RBKS: variants seen among roughly 807,000 people sequenced by gnomAD.
The protein encoded by RBKS is ribokinase.
Under a neutral mutation model 33.9 loss-of-function variants are expected in RBKS, and 33 were observed. The ratio of observed to expected loss-of-function variants is 0.97; its 90% CI spans 0.74 to 1.30. The LOEUF (loss-of-function observed/expected upper bound fraction) is 1.30. Ranked by LOEUF, RBKS falls within the 50% of genes most tolerant of loss-of-function variation. The pLI, the probability that RBKS is intolerant of heterozygous loss-of-function variation, is 0.00. For synonymous variants in RBKS, 125 were observed against 143.0 expected, an observed-to-expected ratio of 0.87 and a Z score of 0.90; for missense variants, 361 against 392.6, an observed-to-expected ratio of 0.92 and a Z score of 0.68.
At chr2:27,876,839 G>C (rs1345281983) in intron 1 of RBKS, among the ~76,000 whole-genome samples, 1 of 152,008 alleles carries the variant, frequency 6.6e-6, no homozygotes, top group East Asian at 1.9e-4. Flanking sequence ...AAAAATTGCA[G>C]GTCTGAAAAA....
At chr2:27,793,384 T>A (rs1329297226) in intron 7 of RBKS, among the ~76,000 whole-genome samples, 2 of 152,104 alleles carry the variant, frequency 1.3e-5, no homozygotes, top group African/African-American at 2.4e-5. Flanking sequence ...ACTGTACACT[T>A]GAGAAACCTG....
intron 5 of RBKS, among the ~76,000 whole-genome samples, chr2:27,841,464 ACC>A (rs1663506451): frequency 6.6e-6 from 1 of 152,154 alleles, no homozygotes; most frequent in South Asian, 2.1e-4. Context: ...AGAATGCGTA[ACC>A]ATAAGCATTA....
At chr2:27,815,566 C>G (rs887051603) in intron 7 of RBKS, among the ~76,000 whole-genome samples, 1 of 152,144 alleles carries the variant, frequency 6.6e-6, no homozygotes, top group Admixed American at 6.5e-5. Context: ...CAATGGAAAC[C>G]ACTAAGAAAA....
intron 1 of RBKS, among the ~76,000 whole-genome samples, chr2:27,862,520 G>A (rs750384022): frequency 6.6e-6 from 1 of 152,090 alleles, no homozygotes; most frequent in Non-Finnish European, 1.5e-5. Flanking sequence ...CTGGCTTCTC[G>A]CAGGTGTCAC....
chr2:27,823,277 A>C (rs1678247057), intron 7 of RBKS, among the ~76,000 whole-genome samples: 1 of 152,230 alleles, frequency 6.6e-6, no homozygotes, highest in Non-Finnish European at 1.5e-5. Context: ...CGGGAAAAAC[A>C]GATGTAAAAA....
At chr2:27,855,250 T>C (rs1017476755) in intron 2 of RBKS, among the ~76,000 whole-genome samples, 2 of 152,246 alleles carry the variant, frequency 1.3e-5, no homozygotes, top group African/African-American at 4.8e-5. Flanking sequence ...GATAGTCTCA[T>C]ATATGAAGGA....
chr2:27,870,535 C>T, intron 1 of RBKS: 1 of 317,036 alleles, frequency 3.2e-6, no homozygotes, highest in South Asian at 2.6e-5. Context: ...CTGCACCCAC[C>T]TCCTCACAGA....
intron 7 of RBKS, among the ~76,000 whole-genome samples, chr2:27,801,959 AAAAAATATATATATATATATAT>A (rs1677797183): frequency 1.6e-5 from 1 of 63,472 alleles, no homozygotes; most frequent in African/African-American, 6.1e-5. Flanking sequence ...GGAAAAAAAA[AAAAAATATATATATATATATAT>A]ATATATATAT....
chr2:27,788,610 G>A (rs1460679726), intron 7 of RBKS, among the ~76,000 whole-genome samples: 1 of 152,194 alleles, frequency 6.6e-6, no homozygotes, highest in Non-Finnish European at 1.5e-5. Context: ...GGGAGGCTGA[G>A]GCAGGTGAAT....
intron 1 of RBKS, among the ~76,000 whole-genome samples, chr2:27,865,570 CCTT>C (rs1558554303): frequency 8.4e-6 from 1 of 118,436 alleles, no homozygotes; most frequent in African/African-American, 3.0e-5. Flanking sequence ...TTCTCCTCCT[CCTT>C]TTTTTTTTTT....
At chr2:27,811,367 G>A (rs1677982685) in intron 7 of RBKS, among the ~76,000 whole-genome samples, 1 of 152,216 alleles carries the variant, frequency 6.6e-6, no homozygotes, top group Non-Finnish European at 1.5e-5. Context: ...GTGGCATGTG[G>A]AAAATTCAGA....
intron 7 of RBKS, among the ~76,000 whole-genome samples, chr2:27,823,484 G>A (rs937223280): frequency 6.6e-6 from 1 of 152,114 alleles, no homozygotes; most frequent in Non-Finnish European, 1.5e-5. Flanking sequence ...AGAGAAAAGC[G>A]AGAAGGTTAC....
In RBKS at chr2:27,871,594, CTG is replaced by C. The variant is rs1664214229; in HGVS notation, c.90-13025_90-13024del. ...GCTCATGGGCTTACCAAAACTGTGACTGAGACAAGTGTGCAGTGTGAGAAAGA... is the reference window on the plus strand; with the variant it reads ...GCTCATGGGCTTACCAAAACTGTGACAGACAAGTGTGCAGTGTGAGAAAGA... On this transcript the variant is annotated intron_variant, in intron 1 of 7. Transcript: ENST00000302188. Among the ~76,000 whole-genome samples the C allele has an allele frequency of 2.0e-5, 3 of 152,128 alleles. 1 individual carries two copies. The South Asian group carries it at 6.2e-4, about 32-fold the overall frequency.
At chr2:27,829,363 G>GTTTTT (rs35216618) in intron 6 of RBKS, among the ~76,000 whole-genome samples, 6 of 107,354 alleles carry the variant, frequency 5.6e-5, no homozygotes, top group East Asian at 2.5e-4. Context: ...GCTTTTCAGT[G>GTTTTT]TTTTTTTTTT....
intron 2 of RBKS, among the ~76,000 whole-genome samples, chr2:27,848,503 C>G (rs185878902): frequency 7.9e-5 from 12 of 152,204 alleles, no homozygotes; most frequent in African/African-American, 2.6e-4. Flanking sequence ...TATCTTCTCC[C>G]TTGACACTGA....
intron 7 of RBKS, among the ~76,000 whole-genome samples, chr2:27,813,533 C>T (rs1306310649): frequency 6.6e-6 from 1 of 152,020 alleles, no homozygotes; most frequent in Non-Finnish European, 1.5e-5. Flanking sequence ...AATTAATGAA[C>T]TGGGCAAAAG....
At chr2:27,822,303 C>A (rs1160380005) in intron 7 of RBKS, among the ~76,000 whole-genome samples, 1 of 152,154 alleles carries the variant, frequency 6.6e-6, no homozygotes, top group Non-Finnish European at 1.5e-5. Context: ...ATTAGTTTGA[C>A]TTTCTACTGG....
At chr2:27,855,853 A>G (rs1663848129) in intron 2 of RBKS, among the ~76,000 whole-genome samples, 1 of 152,184 alleles carries the variant, frequency 6.6e-6, no homozygotes, top group African/African-American at 2.4e-5. Flanking sequence ...TTTGAATTTT[A>G]GTTTGTTATA....
At chr2:27,811,707 T>A (rs1677988176) in intron 7 of RBKS, among the ~76,000 whole-genome samples, 1 of 152,118 alleles carries the variant, frequency 6.6e-6, no homozygotes, top group Non-Finnish European at 1.5e-5. Context: ...ATCTAAAAAA[T>A]AGAAATAAGA....
Sources: allele counts gnomAD v4.1 joint callset (sites outside exome capture counted in the v4.1 genomes callset), GRCh38; gene constraint gnomAD v4.1.1; transcripts MANE v1.5; gene names NCBI Gene and HGNC (gene_info 2026-07-23, HGNC 2026-07-21).